The following QKI variants were observed in gnomAD, a reference collection of about 807,000 sequenced individuals.
QKI encodes QKI, KH domain containing RNA binding, also known as KH domain-containing RNA-binding protein QKI.
QKI carries 10 observed loss-of-function variants against 39.0 expected under a neutral mutation model. The observed-to-expected ratio is 0.26, with a 90% CI of 0.16 to 0.43. QKI has a LOEUF of 0.43. Ranked by LOEUF, QKI falls within the 20% of genes least tolerant of loss-of-function variation. The pLI, the probability that QKI is intolerant of heterozygous loss-of-function variation, is 1.00. For missense variants in QKI, 218 were observed against 428.0 expected (o/e 0.51, Z 4.33); for synonymous variants, 204 against 155.4 (o/e 1.31, Z -2.33).
intron 2 of QKI, chr6:163,457,447 A>C: frequency 2.2e-6 from 1 of 455,928 alleles, no homozygotes; most frequent in Admixed American, 2.3e-5. Flanking sequence ...ATTTGTCTTG[A>C]TCGGTGATTC....
intron 3 of QKI, among the ~76,000 whole-genome samples, chr6:163,503,453 G>A (rs1259519268): frequency 1.4e-5 from 2 of 144,824 alleles, no homozygotes; most frequent in Non-Finnish European, 3.0e-5. Flanking sequence ...GTTCCTTATA[G>A]ATTCCAGATA....
chr6:163,454,036 T>A (rs777982407), intron 1 of QKI, among the ~76,000 whole-genome samples: 4 of 152,150 alleles, frequency 2.6e-5, no homozygotes, highest in Non-Finnish European at 5.9e-5. Flanking sequence ...AACTTCCCCA[T>A]GTTTGGAAAG....
chr6:163,564,311 A>C, intron 6 of QKI: 1 of 1,009,130 alleles, frequency 9.9e-7, no homozygotes, highest in Non-Finnish European at 1.2e-6. Flanking sequence ...GTACTTACAC[A>C]GACATAGATG....
intron 1 of QKI, among the ~76,000 whole-genome samples, chr6:163,430,668 T>A (rs1456370512): frequency 6.6e-6 from 1 of 152,182 alleles, no homozygotes; most frequent in African/African-American, 2.4e-5. Context: ...TAGTATGGCA[T>A]AGTTTTTACC....
chr6:163,456,597 G>A (rs1247346787), intron 2 of QKI, among the ~76,000 whole-genome samples: 5 of 152,048 alleles, frequency 3.3e-5, no homozygotes, highest in African/African-American at 1.2e-4. Flanking sequence ...ATAGGAAAAA[G>A]CTTTGATATT....
intron 2 of QKI, among the ~76,000 whole-genome samples, chr6:163,475,515 T>C (rs1220354214): frequency 2.0e-5 from 3 of 152,174 alleles, no homozygotes; most frequent in African/African-American, 4.8e-5. Flanking sequence ...CTGTGAATTT[T>C]GGTGTTTGTG....
At chr6:163,521,912 G>A (rs1232548366) in intron 3 of QKI, among the ~76,000 whole-genome samples, 14 of 152,146 alleles carry the variant, frequency 9.2e-5, no homozygotes, top group African/African-American at 4.8e-5. Context: ...GAGGAAGCGG[G>A]ATGTGCTTAT....
At position 163,573,213 on chromosome 6, in the gene QKI, ATC is replaced by A. The variant is rs1418795286; in HGVS notation, c.*2507_*2508del. The A allele has an allele frequency of 1.3e-5, 2 of 152,204 alleles. No homozygotes were observed. Among genetic ancestry groups the A allele is most frequent in the South Asian group, 2.1e-4 (1 of 4,830 alleles). The allele number at this position is 152,204 out of a possible 1,614,324, so 9.4% of individuals were successfully genotyped here. ...AACTGAAAAAAGCATGACTTTTGAA[ATC>A]TCTGAATGCCTTGGTTCTCAGTATT... On this transcript the variant is annotated 3_prime_UTR_variant, in exon 8 of 8. Coordinates refer to ENST00000361752, the MANE Select transcript of QKI (RefSeq NM_006775.3).
At chr6:163,484,746 G>A (rs1314968783) in intron 3 of QKI, among the ~76,000 whole-genome samples, 1 of 152,274 alleles carries the variant, frequency 6.6e-6, no homozygotes, top group East Asian at 1.9e-4. Flanking sequence ...ATGGTTTGGT[G>A]TGCCCCAGAA....
intron 1 of QKI, among the ~76,000 whole-genome samples, chr6:163,417,378 C>CTA (rs1787607854): frequency 6.6e-6 from 1 of 152,144 alleles, no homozygotes; most frequent in African/African-American, 2.4e-5. Flanking sequence ...AATTCAAAGA[C>CTA]TATAGGAGAT....
In QKI at chr6:163,570,737, T is replaced by C; in HGVS notation, c.*27T>C. The C allele has an allele frequency of 6.2e-7, 1 of 1,612,612 alleles. No individual in the cohort carries two copies. Among genetic ancestry groups the C allele is most frequent in the Non-Finnish European group, 8.5e-7 (1 of 1,179,244 alleles). ...CTATGACCTTCTGACCTCTGAACTCTTCACCCAATGATGACCTGACCATGC... is the reference window on the plus strand; with the variant it reads ...CTATGACCTTCTGACCTCTGAACTCCTCACCCAATGATGACCTGACCATGC... On this transcript the variant is annotated 3_prime_UTR_variant, in exon 8 of 8. Transcript: ENST00000361752.
intron 1 of QKI, among the ~76,000 whole-genome samples, chr6:163,454,827 A>T (rs1790808007): frequency 6.6e-6 from 1 of 152,194 alleles, no homozygotes; most frequent in Non-Finnish European, 1.5e-5. Context: ...AGATATCTAA[A>T]AATAATGGAA....
Position 163,504,688 on chromosome 6 carries a change from C to T in QKI, c.402+25792C>T, listed in dbSNP as rs75401309. On this transcript the variant is annotated intron_variant, in intron 3 of 7. Transcript: ENST00000361752. ...TACAGGAATGCAACTGATTTTTGTACATTGGTTTTGATCCTGAAACTTTAC... is the reference window on the plus strand; with the variant it reads ...TACAGGAATGCAACTGATTTTTGTATATTGGTTTTGATCCTGAAACTTTAC... Among the ~76,000 whole-genome samples the T allele has an allele frequency of 3.3e-3, 500 of 152,240 alleles. 4 individuals carry two copies. Among genetic ancestry groups the T allele is most frequent in the African/African-American group, 0.011 (470 of 41,554 alleles).
At chr6:163,518,176 G>C (rs1779946514) in intron 3 of QKI, among the ~76,000 whole-genome samples, 1 of 152,158 alleles carries the variant, frequency 6.6e-6, no homozygotes, top group Non-Finnish European at 1.5e-5. Context: ...AGCTATAGAA[G>C]CTGGCTAGGG....
At chr6:163,431,299 G>C (rs1028114906) in intron 1 of QKI, among the ~76,000 whole-genome samples, 1 of 152,150 alleles carries the variant, frequency 6.6e-6, no homozygotes, top group South Asian at 2.1e-4. Context: ...AATGATTTCA[G>C]TAATGAATTT....
At chr6:163,457,076 T>C (rs1790977143) in intron 2 of QKI, among the ~76,000 whole-genome samples, 1 of 152,030 alleles carries the variant, frequency 6.6e-6, no homozygotes, top group African/African-American at 2.4e-5. Context: ...CTGTTCCAAT[T>C]GGGGTCTACT....
intron 1 of QKI, 91 bp downstream of exon 1, chr6:163,415,426 C>T (rs1787363761): frequency 4.0e-6 from 4 of 1,011,074 alleles, no homozygotes; most frequent in Non-Finnish European, 5.3e-6. Context: ...GGGAAGGTCA[C>T]GGCCGGGCGG....
At chr6:163,419,289 G>C (rs2128206675) in intron 1 of QKI, among the ~76,000 whole-genome samples, 1 of 139,772 alleles carries the variant, frequency 7.2e-6, no homozygotes. Context: ...TGTATCATAA[G>C]GTTTTCTTAC....
chr6:163,426,010 A>G (rs574859256), intron 1 of QKI, among the ~76,000 whole-genome samples: 53 of 152,328 alleles, frequency 3.5e-4, no homozygotes, highest in African/African-American at 1.2e-3. Context: ...TTGACATTCT[A>G]TCCCTAGAGA....
Sources: gnomAD v4.1 joint callset for allele counts (sites outside exome capture counted in the v4.1 genomes callset) on GRCh38, gnomAD v4.1.1 for gene constraint, MANE v1.5 for transcripts, NCBI Gene and HGNC (gene_info 2026-07-23, HGNC 2026-07-21) for gene names.